Variants in TWIST2 observed in about 807,000 individuals in gnomAD.
TWIST2 encodes twist-related protein 2.
TWIST2 carries 1 observed loss-of-function variant against 11.6 expected under a neutral mutation model. That is an observed-to-expected ratio of 0.09 (90% CI 0.03 to 0.41). TWIST2 has a LOEUF of 0.41. Among genes scored for constraint, TWIST2 ranks in the 10% least tolerant of loss-of-function variants. TWIST2 has a pLI of 0.98. For synonymous variants in TWIST2, 87 were observed against 96.6 expected (o/e 0.90, Z 0.58); for missense variants, 168 against 226.4 (o/e 0.74, Z 1.66).
intron 1 of TWIST2, among the ~76,000 whole-genome samples, chr2:238,851,243 A>T (rs533101595): frequency 6.8e-4 from 104 of 152,364 alleles, no homozygotes; most frequent in Non-Finnish European, 1.4e-3. Flanking sequence ...GAAACGCAAG[A>T]GATGGTGGAG....
intron 1 of TWIST2, among the ~76,000 whole-genome samples, chr2:238,905,202 C>T (rs968450953): frequency 4.5e-4 from 68 of 151,384 alleles, no homozygotes; most frequent in Non-Finnish European, 8.4e-4. Flanking sequence ...GGGGCCTCAC[C>T]TGCTCATTAG....
chr2:238,905,018 G>GAAGA (rs1381898904), intron 1 of TWIST2, among the ~76,000 whole-genome samples: 1 of 151,224 alleles, frequency 6.6e-6, no homozygotes, highest in African/African-American at 2.4e-5. Flanking sequence ...AGGAAGGAAG[G>GAAGA]AAGAAAGAAG....
intron 1 of TWIST2, among the ~76,000 whole-genome samples, chr2:238,881,866 G>A (rs891888501): frequency 1.3e-5 from 2 of 152,160 alleles, no homozygotes; most frequent in Non-Finnish European, 2.9e-5. Context: ...GGGAGGAGAA[G>A]GTGCCACCTG....
chr2:238,894,828 G>A (rs1372161280), intron 1 of TWIST2, among the ~76,000 whole-genome samples: 1 of 152,114 alleles, frequency 6.6e-6, no homozygotes, highest in African/African-American at 2.4e-5. Context: ...AAACATAACT[G>A]TCACCTTCCC....
At chr2:238,893,350 C>T (rs1299544142) in intron 1 of TWIST2, among the ~76,000 whole-genome samples, 1 of 152,166 alleles carries the variant, frequency 6.6e-6, no homozygotes, top group African/African-American at 2.4e-5. Context: ...TAAAAGCTGG[C>T]CCTGGTTACA....
In TWIST2 at chr2:238,853,982, A is replaced by C. The variant is rs560216324; in HGVS notation, c.*35+5249A>C. Reference sequence around the variant, plus strand: ...GCTGTCCCTCACTGAGCGGTTTTCTATCCTAATATTGTTTTCCTCTGTTAT... The same window carrying C: ...GCTGTCCCTCACTGAGCGGTTTTCTCTCCTAATATTGTTTTCCTCTGTTAT... On this transcript the variant is annotated intron_variant, in intron 1 of 1. Coordinates refer to ENST00000612363, the MANE Select transcript of TWIST2 (RefSeq NM_001271893.4). 8.5e-5 allele frequency among the ~76,000 whole-genome samples: 13 copies of C among 152,226 alleles called. No homozygotes were observed. In the South Asian group the frequency reaches 2.3e-3, roughly 27 times the overall value.
intron 1 of TWIST2, among the ~76,000 whole-genome samples, chr2:238,907,384 G>A (rs997719148): frequency 2.6e-5 from 4 of 152,274 alleles, no homozygotes; most frequent in East Asian, 3.9e-4. Flanking sequence ...TCCCCACCCC[G>A]GCTTCCTGGA....
At chr2:238,879,411 T>C (rs1299690537) in intron 1 of TWIST2, among the ~76,000 whole-genome samples, 1 of 152,184 alleles carries the variant, frequency 6.6e-6, no homozygotes, top group Non-Finnish European at 1.5e-5. Context: ...CCAAAGCTTC[T>C]CATTCTACAT....
chr2:238,859,902 G>T (rs1006892246), intron 1 of TWIST2, among the ~76,000 whole-genome samples: 1 of 152,200 alleles, frequency 6.6e-6, no homozygotes, highest in African/African-American at 2.4e-5. Flanking sequence ...CCTCTCCACA[G>T]TAGACTGAGT....
chr2:238,869,290 G>C (rs770920663), intron 1 of TWIST2, among the ~76,000 whole-genome samples: 8 of 152,218 alleles, frequency 5.3e-5, no homozygotes, highest in Non-Finnish European at 8.8e-5. Context: ...ACTTTCAAAA[G>C]GAACAATCTG....
At chr2:238,879,635 A>T (rs544132075) in intron 1 of TWIST2, among the ~76,000 whole-genome samples, 2 of 152,266 alleles carry the variant, frequency 1.3e-5, no homozygotes, top group South Asian at 4.2e-4. Flanking sequence ...CCAGGGATCT[A>T]GTGTCAAGTT....
intron 1 of TWIST2, among the ~76,000 whole-genome samples, chr2:238,900,397 T>C (rs1215434075): frequency 6.6e-6 from 1 of 152,228 alleles, no homozygotes; most frequent in Non-Finnish European, 1.5e-5. Flanking sequence ...CTGCCCCCAG[T>C]TGACTGTGGG....
At chr2:238,874,641 G>A (rs1009546726) in intron 1 of TWIST2, among the ~76,000 whole-genome samples, 2 of 152,228 alleles carry the variant, frequency 1.3e-5, no homozygotes, top group Admixed American at 6.5e-5. Context: ...GACATAGCAC[G>A]TTGAAAAGGC....
intron 1 of TWIST2, among the ~76,000 whole-genome samples, chr2:238,904,677 G>A (rs1441905861): frequency 1.3e-5 from 2 of 152,048 alleles, no homozygotes; most frequent in Admixed American, 1.3e-4. Context: ...ACATGCTTCT[G>A]CCCTGCTAGA....
At chr2:238,880,877 GTGTTAGTGTTGGTATTTATTAT>G in intron 1 of TWIST2, among the ~76,000 whole-genome samples, 1 of 111,864 alleles carries the variant, frequency 8.9e-6, no homozygotes, top group South Asian at 3.2e-4. Context: ...GTTATTGTTA[GTGTTAGTGTTGGTATTTATTAT>G]TATTAGTGTT....
Position 238,867,485 on chromosome 2 carries a change from G to A in TWIST2, c.*35+18752G>A, listed in dbSNP as rs145217538. 0.022 allele frequency among the ~76,000 whole-genome samples: 3,398 copies of A among 151,542 alleles called. 62 individuals are homozygous for A. The highest frequency in any genetic ancestry group is 0.033 in the Non-Finnish European group (2,210 of 67,922). On this transcript the variant is annotated intron_variant, in intron 1 of 1. Transcript: ENST00000612363. This position sits in a 1 kb window ranked among gnomAD's most constrained non-coding sequence, Gnocchi z 4.8. ...GGGGGCAGGGGCACAATAAAGAGAA[G>A]TCCCAGCCAGCTCCCGGGGTGGTGT...
rs570833941 is a variant in TWIST2, at chr2:238,861,191, C to G, written c.*35+12458C>G. ...ACCCTCAAGCCAGACACATCTTGGT[C>G]TCATGGCCCCCATCAGTCACCGCCG... On this transcript the variant is annotated intron_variant, in intron 1 of 1. Coordinates refer to ENST00000612363, the MANE Select transcript of TWIST2 (RefSeq NM_001271893.4). Among the ~76,000 whole-genome samples, 459 of 152,348 alleles carry G rather than the reference C, an allele frequency of 3.0e-3. 4 individuals are homozygous for G. Among genetic ancestry groups the G allele is most frequent in the Non-Finnish European group, 5.7e-3 (391 of 68,030 alleles).
intron 1 of TWIST2, among the ~76,000 whole-genome samples, chr2:238,865,036 C>G (rs1290802606): frequency 6.6e-6 from 1 of 152,160 alleles, no homozygotes; most frequent in Non-Finnish European, 1.5e-5. Context: ...GATGGCAAAG[C>G]CACACGGGGT....
intron 1 of TWIST2, among the ~76,000 whole-genome samples, chr2:238,908,912 T>C (rs1372914307): frequency 6.7e-6 from 1 of 149,926 alleles, no homozygotes; most frequent in African/African-American, 2.5e-5. Context: ...TGTGTTTGTG[T>C]ATGTGGCAGT....
Sources: gnomAD v4.1 joint callset for allele counts (sites outside exome capture counted in the v4.1 genomes callset) on GRCh38, gnomAD v4.1.1 for gene constraint, Gnocchi (gnomAD v3.1) non-coding constraint, MANE v1.5 for transcripts, NCBI Gene and HGNC (gene_info 2026-07-23, HGNC 2026-07-21) for gene names.